Variants in ROBO2 observed in about 807,000 individuals in gnomAD.
ROBO2 encodes the protein roundabout guidance receptor 2, also known as roundabout homolog 2.
Under a neutral mutation model 160.8 loss-of-function variants are expected in ROBO2, and 53 were observed. The observed-to-expected ratio is 0.33, with a 90% CI of 0.26 to 0.41. The LOEUF is 0.41. Ranked by LOEUF, ROBO2 falls within the 10% of genes least tolerant of loss-of-function variation. The pLI is 1.00. For missense variants in ROBO2, 1,577 were observed against 1,722.4 expected (o/e 0.92, Z 1.49); for synonymous variants, 664 against 611.7 (o/e 1.09, Z -1.26).
At chr3:76,034,145 G>T (rs2067020031) in intron 2 of ROBO2, among the ~76,000 whole-genome samples, 1 of 152,070 alleles carries the variant, frequency 6.6e-6, no homozygotes, top group African/African-American at 2.4e-5. Flanking sequence ...CTGCTTTCAT[G>T]GGTCATTTGC....
At chr3:76,753,057 A>G (rs1281741400) in intron 2 of ROBO2, among the ~76,000 whole-genome samples, 1 of 152,044 alleles carries the variant, frequency 6.6e-6, no homozygotes, top group Non-Finnish European at 1.5e-5. Flanking sequence ...TTTTAAAGGT[A>G]TATGCAAAAC....
chr3:76,164,373 G>T (rs1465953380), intron 2 of ROBO2, among the ~76,000 whole-genome samples: 1 of 152,114 alleles, frequency 6.6e-6, no homozygotes, highest in East Asian at 1.9e-4. Flanking sequence ...ATCTAGAAAG[G>T]TGAATTCTTT....
At chr3:76,636,987 G>A (rs1198382520) in intron 2 of ROBO2, among the ~76,000 whole-genome samples, 1 of 152,100 alleles carries the variant, frequency 6.6e-6, no homozygotes, top group African/African-American at 2.4e-5. Flanking sequence ...AATTCAAGGA[G>A]AGTGAGCCCT....
At chr3:76,678,752 C>A (rs1368356383) in intron 2 of ROBO2, among the ~76,000 whole-genome samples, 1 of 151,992 alleles carries the variant, frequency 6.6e-6, no homozygotes, top group East Asian at 1.9e-4. Context: ...TTTTGCTCAG[C>A]CGCTAATATT....
At position 76,845,565 on chromosome 3, in the gene ROBO2, A is replaced by T. The variant is rs185319174; in HGVS notation, c.110-252449A>T. On this transcript the variant is annotated intron_variant, in intron 2 of 26. Coordinates refer to the ROBO2 transcript ENST00000487694. ...ATTGAATTTCAGGTCTCCTGTTCCA[A>T]ATCCTTTGTCTACACCACCATACTG... Among the ~76,000 whole-genome samples, 74 of 152,010 alleles carry T rather than the reference A, an allele frequency of 4.9e-4. No individual in the cohort carries two copies. In the East Asian group the frequency reaches 0.014, roughly 29 times the overall value.
chr3:76,384,620 C>T (rs1438147555), intron 2 of ROBO2, among the ~76,000 whole-genome samples: 2 of 152,124 alleles, frequency 1.3e-5, no homozygotes, highest in Non-Finnish European at 2.9e-5. Context: ...CTCACAGTTC[C>T]ACAGGACTGG....
intron 6 of ROBO2, among the ~76,000 whole-genome samples, chr3:77,535,218 T>C (rs1183397720): frequency 6.6e-6 from 1 of 151,960 alleles, no homozygotes; most frequent in Admixed American, 6.6e-5. Context: ...TTCTTTTTTT[T>C]TTTTTCTGAT....
chr3:76,681,979 C>A lies in ROBO2; in HGVS notation c.110-416035C>A, dbSNP rs1320834109. On this transcript the variant is annotated intron_variant, in intron 2 of 26. Coordinates refer to the ROBO2 transcript ENST00000487694. ...TGACTTGTCTGGAATTTGAAGAATACATTTACGGGAGGTCATATGTGTGCC... is the reference window on the plus strand; with the variant it reads ...TGACTTGTCTGGAATTTGAAGAATAAATTTACGGGAGGTCATATGTGTGCC... Among the ~76,000 whole-genome samples, 3 of 152,090 alleles carry A rather than the reference C, an allele frequency of 2.0e-5. 1 individual carries two copies. The highest frequency in any genetic ancestry group is 2.0e-4 in the Admixed American group (3 of 15,238).
intron 2 of ROBO2, among the ~76,000 whole-genome samples, chr3:76,840,136 C>A (rs1469406438): frequency 6.6e-6 from 1 of 151,576 alleles, no homozygotes; most frequent in South Asian, 2.1e-4. Context: ...CAAAACCCAA[C>A]TTTTTGTTTC....
At chr3:76,128,652 C>A (rs1281899509) in intron 2 of ROBO2, among the ~76,000 whole-genome samples, 1 of 151,880 alleles carries the variant, frequency 6.6e-6, no homozygotes, top group Admixed American at 6.6e-5. Context: ...CATATGAATT[C>A]TCTGGAAGAG....
intron 2 of ROBO2, among the ~76,000 whole-genome samples, chr3:77,346,322 T>C (rs1202968556): frequency 6.6e-6 from 1 of 152,218 alleles, no homozygotes; most frequent in Non-Finnish European, 1.5e-5. Flanking sequence ...TGATTATAAA[T>C]ACAGCTATGA....
intron 2 of ROBO2, among the ~76,000 whole-genome samples, chr3:76,009,403 G>A (rs1369942307): frequency 6.6e-6 from 1 of 152,128 alleles, no homozygotes; most frequent in African/African-American, 2.4e-5. Context: ...GCGCCTGGCT[G>A]AAGATCCGAT....
chr3:76,929,712 C>A (rs1294649076), intron 2 of ROBO2, among the ~76,000 whole-genome samples: 1 of 147,372 alleles, frequency 6.8e-6, no homozygotes, highest in African/African-American at 2.5e-5. Flanking sequence ...GTAGAAGAGA[C>A]TCCAGTGTCT....
chr3:76,315,622 T>A (rs919236079), intron 2 of ROBO2, among the ~76,000 whole-genome samples: 10 of 152,170 alleles, frequency 6.6e-5, no homozygotes, highest in African/African-American at 2.4e-4. Flanking sequence ...TAAGAAAAAA[T>A]TATTAAGTAT....
At chr3:77,494,326 C>T (rs529479659) in intron 5 of ROBO2, among the ~76,000 whole-genome samples, 1 of 152,072 alleles carries the variant, frequency 6.6e-6, no homozygotes, top group East Asian at 1.9e-4. Flanking sequence ...CCTGTAATCC[C>T]AACACTTTGG....
intron 2 of ROBO2, among the ~76,000 whole-genome samples, chr3:76,346,594 A>C (rs1286973665): frequency 6.6e-6 from 1 of 152,156 alleles, no homozygotes; most frequent in Non-Finnish European, 1.5e-5. Flanking sequence ...TCTATTAAAA[A>C]TACATATTTT....
chr3:77,443,298 T>A lies in ROBO2; in HGVS notation c.389-34116T>A, dbSNP rs894273043. 3.9e-5 allele frequency among the ~76,000 whole-genome samples: 6 copies of A among 152,086 alleles called. 1 individual carries two copies. Among genetic ancestry groups the A allele is most frequent in the African/African-American group, 9.7e-5 (4 of 41,400 alleles). On this transcript the variant is annotated intron_variant, in intron 2 of 25. Transcript: ENST00000461745. Reference sequence around the variant, plus strand: ...GGATAGGATGGTTATTATTATCTTTTTTTTTTCAGAAGAGGAAATAGACTG... The same window carrying A: ...GGATAGGATGGTTATTATTATCTTTATTTTTTCAGAAGAGGAAATAGACTG...
In ROBO2 at chr3:77,614,753, C is replaced by CCAACCAAA. The variant is rs2094730115; in HGVS notation, c.3294-2757_3294-2756insCCAAACAA. ...ACCAACCAACCAACCAACCAACCAA[C>CCAACCAAA]CAAACAAACAAACAAACAAAAACCC... On this transcript the variant is annotated intron_variant, in intron 21 of 25. Transcript: ENST00000461745. 3.5e-5 allele frequency among the ~76,000 whole-genome samples: 5 copies of CCAACCAAA among 142,228 alleles called. No individual in the cohort carries two copies. The South Asian group carries it at 8.4e-4, about 24-fold the overall frequency. The allele number at this position is 142,228 out of a possible 152,430, so 93.3% of individuals were successfully genotyped here.
intron 2 of ROBO2, among the ~76,000 whole-genome samples, chr3:76,963,375 TAGAA>T (rs2079812407): frequency 6.6e-6 from 1 of 152,168 alleles, no homozygotes; most frequent in East Asian, 1.9e-4. Context: ...ATGAAAATCT[TAGAA>T]AGCATGCAGA....
Sources: allele counts gnomAD v4.1 joint callset (sites outside exome capture counted in the v4.1 genomes callset), GRCh38; gene constraint gnomAD v4.1.1; transcripts MANE v1.5; gene names NCBI Gene and HGNC (gene_info 2026-07-23, HGNC 2026-07-21).